Variants in BFSP2 observed in about 807,000 individuals in gnomAD.
BFSP2 encodes beaded filament structural protein 2.
In BFSP2, 38 loss-of-function variants were observed where a neutral mutation model predicts 44.9. The observed-to-expected ratio is 0.85, with a 90% CI of 0.65 to 1.11. BFSP2 has a LOEUF of 1.11. Ranked by LOEUF, BFSP2 falls within the 50% of genes least tolerant of loss-of-function variation. The probability of loss-of-function intolerance (pLI) is 0.00; values close to 1 mark genes in which losing one functional copy is unlikely to be tolerated. For missense variants in BFSP2, 525 were observed against 533.0 expected (o/e 0.99, Z 0.15); for synonymous variants, 197 against 209.9 (o/e 0.94, Z 0.53).
intron 4 of BFSP2, among the ~76,000 whole-genome samples, chr3:133,460,302 TAC>T (rs1332215160): frequency 2.0e-5 from 3 of 152,318 alleles, no homozygotes; most frequent in African/African-American, 7.2e-5. Flanking sequence ...TGCCCAAAAT[TAC>T]ACACTTAGAA....
rs771990008 is a variant in BFSP2, at chr3:133,472,501, C to G, written c.1180C>G (p.Arg394Gly). 3 of 1,613,140 alleles carry G rather than the reference C, an allele frequency of 1.9e-6. No homozygotes were observed. The highest frequency in any genetic ancestry group is 2.5e-6 in the Non-Finnish European group (3 of 1,180,016). ...QQQERAHLLARKCQLQKDVAS... is the reference protein window; with the variant it reads ...QQQERAHLLAGKCQLQKDVAS... ...ACAGGAGCGCGCGCATCTGCTGGCC[C>G]GCAAGTGCCAGCTGCAGAAGGACGT... The change falls in exon 6 of 7, where the codon CGC becomes GGC. Residue 394 changes from arginine to glycine, a missense_variant. Physicochemically the swap from Arg to Gly is moderately radical, Grantham distance 125. Coordinates refer to ENST00000302334, the MANE Select transcript of BFSP2 (RefSeq NM_003571.4).
chr3:133,414,862 CA>C (rs2073498828), intron 1 of BFSP2, among the ~76,000 whole-genome samples: 1 of 130,476 alleles, frequency 7.7e-6, no homozygotes, highest in Non-Finnish European at 1.6e-5. Flanking sequence ...CATCTACTCA[CA>C]CCTGCCCTCT....
chr3:133,414,570 CCTCTCCT>C (rs1476423196), intron 1 of BFSP2, among the ~76,000 whole-genome samples: 4 of 130,746 alleles, frequency 3.1e-5, no homozygotes, highest in Non-Finnish European at 4.9e-5. Context: ...TGCCCTCTCC[CCTCTCCT>C]CTCTACTCAG....
chr3:133,472,691 C>T lies in BFSP2; in HGVS notation c.1244+126C>T, dbSNP rs1404849275. The stretch of plus-strand genomic sequence containing the variant: ...CCCAGACTTCCTCTCACATAGGCAC[C>T]CATTCCCACAGCCTAGCTGTGTCCT... On this transcript the variant is annotated intron_variant, in intron 6 of 6. Transcript: ENST00000302334. 12 of 1,113,086 alleles carry T rather than the reference C, an allele frequency of 1.1e-5. 1 individual carries two copies. In the Middle Eastern group the frequency reaches 1.1e-3, roughly 106 times the overall value. 69.0% of individuals were successfully genotyped at this position (1,113,086 alleles called of 1,614,324 possible). A position where few individuals can be genotyped will look rare whatever the true frequency, so the allele number is the denominator to read the frequency against.
At position 133,448,552 on chromosome 3, in the gene BFSP2, C is replaced by A; in HGVS notation, c.636C>A (p.Val212=). 1.2e-6 allele frequency: 2 copies of A among 1,613,954 alleles called. No individual in the cohort carries two copies. The highest frequency in any genetic ancestry group is 2.2e-5 in the South Asian group (2 of 91,046). Residue 212 remains valine, a synonymous_variant, in exon 3 of 7, where the codon GTC becomes GTA. Transcript: ENST00000302334. ...AGGAAATTAACTCTCTGTATAAAGT[C>A]ATTGATGAGGCTAATTTGACTAAAA... ...AEEEINSLYK[V]IDEANLTKMD...
At chr3:133,420,859 C>T (rs1403789485) in intron 1 of BFSP2, among the ~76,000 whole-genome samples, 2 of 152,218 alleles carry the variant, frequency 1.3e-5, no homozygotes, top group Non-Finnish European at 2.9e-5. Context: ...ACCTGTCTCA[C>T]CCATCTCTCC....
intron 1 of BFSP2, among the ~76,000 whole-genome samples, chr3:133,406,102 C>T (rs1268688308): frequency 6.6e-6 from 1 of 150,754 alleles, no homozygotes; most frequent in African/African-American, 2.4e-5. Flanking sequence ...AGGTGCCCAC[C>T]ACCATATCCA....
intron 1 of BFSP2, among the ~76,000 whole-genome samples, chr3:133,414,712 GC>G (rs2073494371): frequency 8.2e-6 from 1 of 121,220 alleles, no homozygotes. Context: ...ACTCACCACT[GC>G]CCTATCCCCT....
intron 1 of BFSP2, among the ~76,000 whole-genome samples, chr3:133,444,955 C>A (rs1345170216): frequency 6.6e-6 from 1 of 152,170 alleles, no homozygotes; most frequent in Non-Finnish European, 1.5e-5. Context: ...CAAAGGCTTC[C>A]CAGTAAATCT....
intron 1 of BFSP2, among the ~76,000 whole-genome samples, chr3:133,417,960 C>T (rs1230990734): frequency 6.7e-6 from 1 of 148,532 alleles, no homozygotes; most frequent in Non-Finnish European, 1.5e-5. Context: ...CTACTCACCT[C>T]TGTCATCTCC....
rs1040252366 is a variant in BFSP2, at chr3:133,441,688, C to G, written c.490-5629C>G. On this transcript the variant is annotated intron_variant, in intron 1 of 6. Coordinates refer to ENST00000302334, the MANE Select transcript of BFSP2 (RefSeq NM_003571.4). ...TTAATTCAACTAATACCTGCTGTAC[C>G]AGACACTGTGCTAGGGATGGAACAA... Among the ~76,000 whole-genome samples the G allele has an allele frequency of 4.6e-5, 7 of 152,254 alleles. No homozygotes were observed. In the East Asian group the frequency reaches 5.8e-4, roughly 13 times the overall value.
intron 3 of BFSP2, 66 bp downstream of exon 3, chr3:133,448,711 T>C (rs2073927594): frequency 6.3e-7 from 1 of 1,580,400 alleles, no homozygotes; most frequent in African/African-American, 1.3e-5. Flanking sequence ...CTGCCTGTGC[T>C]TCATAACAAG....
intron 1 of BFSP2, among the ~76,000 whole-genome samples, chr3:133,441,966 C>G (rs781737291): frequency 1.3e-5 from 2 of 152,096 alleles, no homozygotes; most frequent in Non-Finnish European, 2.9e-5. Flanking sequence ...GTGCTAGGGC[C>G]TTGAGCAGGA....
At chr3:133,416,580 TCCATCTCCCCTATACTCACCCCTG>T (rs1254276948) in intron 1 of BFSP2, among the ~76,000 whole-genome samples, 1,135 of 89,208 alleles carry the variant, frequency 0.013, 5 homozygotes, top group Non-Finnish European at 0.02. Flanking sequence ...ACTAACCCCT[TCCATCTCCCCTATACTCACCCCTG>T]CCATCTCCCC....
At chr3:133,413,382 C>T (rs1238583060) in intron 1 of BFSP2, among the ~76,000 whole-genome samples, 2 of 151,834 alleles carry the variant, frequency 1.3e-5, no homozygotes, top group African/African-American at 2.4e-5. Flanking sequence ...TACAGAAGAG[C>T]AATAGGAAAG....
At chr3:133,440,056 G>A (rs747535387) in intron 1 of BFSP2, among the ~76,000 whole-genome samples, 23 of 152,164 alleles carry the variant, frequency 1.5e-4, no homozygotes, top group African/African-American at 4.8e-4. Flanking sequence ...AGTTCCCCAC[G>A]GCTGGGGAGG....
chr3:133,433,100 C>T (rs1441461272), intron 1 of BFSP2, among the ~76,000 whole-genome samples: 2 of 152,150 alleles, frequency 1.3e-5, no homozygotes, highest in African/African-American at 4.8e-5. Flanking sequence ...TTTGTTAAGT[C>T]CCACAATTAC....
chr3:133,448,585 G>A lies in BFSP2; in HGVS notation c.669G>A (p.Leu223=). 6.2e-7 allele frequency: 1 copy of A among 1,614,022 alleles called. No homozygotes were observed. Among genetic ancestry groups the A allele is most frequent in the Non-Finnish European group, 8.5e-7 (1 of 1,179,976 alleles). Residue 223 remains leucine, a synonymous_variant, in exon 3 of 7, where the codon CTG becomes CTA. Coordinates refer to ENST00000302334, the MANE Select transcript of BFSP2 (RefSeq NM_003571.4). The stretch of plus-strand genomic sequence containing the variant: ...AGGCTAATTTGACTAAAATGGACCT[G>A]GAGAGTCAAATAGAAAGTCTGAAAG... ...IDEANLTKMD[L]ESQIESLKEE...
rs1205585205 is a variant in BFSP2 at position 133,400,477 on chromosome 3, C to G, written c.394C>G (p.Leu132Val). 6.2e-7 allele frequency: 1 copy of G among 1,614,006 alleles called. No individual in the cohort carries two copies. The highest frequency in any genetic ancestry group is 8.5e-7 in the Non-Finnish European group (1 of 1,180,036). The change falls in exon 1 of 7, where the codon CTG becomes GTG. Residue 132 changes from leucine (L) to valine (V), a missense_variant. Coordinates refer to ENST00000302334, the MANE Select transcript of BFSP2 (RefSeq NM_003571.4). The surrounding 1 kb of genome is among the most constrained non-coding windows in gnomAD (Gnocchi z 4.0). ...CGCCCTTGAGCAAGTCAGTCAGGAG[C>G]TGGAAACACAACTGCGGATGCACCT... ...VHALEQVSQELETQLRMHLES... is the reference protein window; with the variant it reads ...VHALEQVSQEVETQLRMHLES...
Sources: allele counts gnomAD v4.1 joint callset (sites outside exome capture counted in the v4.1 genomes callset), GRCh38; gene constraint gnomAD v4.1.1; non-coding constraint Gnocchi (gnomAD v3.1); transcripts MANE v1.5; gene names NCBI Gene and HGNC (gene_info 2026-07-23, HGNC 2026-07-21).